COMMD5: variants seen among roughly 807,000 people sequenced by gnomAD.
COMMD5 encodes the protein COMM domain-containing protein 5.
In COMMD5, 10 loss-of-function variants were observed where a neutral mutation model predicts 6.9. That is an observed-to-expected ratio of 1.44 (90% CI 0.89 to 2.45). The LOEUF is 2.45. COMMD5 is among the 30% of genes most tolerant of loss of function. COMMD5 has a pLI of 0.00. For synonymous variants in COMMD5, 127 were observed against 125.3 expected (o/e 1.01, Z -0.09); for missense variants, 234 against 287.8 (o/e 0.81, Z 1.35).
chr8:144,839,759 A>T (rs1829614581), downstream of COMMD5, among the ~76,000 whole-genome samples: 1 of 152,190 alleles, frequency 6.6e-6, no homozygotes, highest in African/African-American at 2.4e-5. Context: ...ACTTGTCCCC[A>T]GCTGGTACAG....
chr8:144,848,633 C>T (rs1210211314), downstream of COMMD5, among the ~76,000 whole-genome samples: 4 of 152,170 alleles, frequency 2.6e-5, no homozygotes, highest in Non-Finnish European at 5.9e-5. Context: ...ACTCTCTGGC[C>T]CTTTGTGGGA....
intron 1 of COMMD5, among the ~76,000 whole-genome samples, chr8:144,845,086 G>A (rs901530544): frequency 2.6e-5 from 4 of 152,300 alleles, no homozygotes; most frequent in Non-Finnish European, 4.4e-5. Flanking sequence ...AGGCCACACA[G>A]GTCTGGATGT....
intron 1 of COMMD5, chr8:144,841,961 A>G (rs1563842175): frequency 1.2e-6 from 2 of 1,614,198 alleles, no homozygotes; most frequent in East Asian, 2.2e-5. Context: ...GAGTGTGGAA[A>G]AGCCTTCCGC....
chr8:144,846,641 A>C (rs1830524301), downstream of COMMD5: 1 of 157,902 alleles, frequency 6.3e-6, no homozygotes, highest in African/African-American at 2.4e-5. Context: ...AGTTCAATAG[A>C]AGTAAACCTA....
chr8:144,841,948 A>G, intron 1 of COMMD5: 1 of 1,614,108 alleles, frequency 6.2e-7, no homozygotes, highest in Non-Finnish European at 8.5e-7. Flanking sequence ...CTTTAAATGC[A>G]CTGAGTGTGG....
downstream of COMMD5, chr8:144,838,034 G>T (rs557346953): frequency 2.9e-5 from 20 of 697,742 alleles, no homozygotes; most frequent in African/African-American, 3.1e-4. Context: ...TCTGAAACCG[G>T]GGGGTCAGCA....
chr8:144,842,884 A>G (rs1420178997), intron 1 of COMMD5: 2 of 1,614,096 alleles, frequency 1.2e-6, no homozygotes, highest in Non-Finnish European at 1.7e-6. Context: ...CTTCAGCCGG[A>G]GCTCATATCT....
Position 144,842,412 on chromosome 8 carries a change from C to T in COMMD5, c.*117-669G>A, listed in dbSNP as rs140218924. Reference sequence around the variant, plus strand: ...GCCTGAGTCAGCATCAGCTGATTCACACTGGAGAGAAGCCTTATAAATGCA... The same window carrying T: ...GCCTGAGTCAGCATCAGCTGATTCATACTGGAGAGAAGCCTTATAAATGCA... On this transcript the variant is annotated intron_variant and NMD_transcript_variant, in intron 1 of 1. Transcript: ENST00000530332. 16 of 1,614,104 alleles carry T rather than the reference C, an allele frequency of 9.9e-6. No individual in the cohort carries two copies. The South Asian group carries it at 1.6e-4, about 17-fold the overall frequency.
chr8:144,839,932 G>A (rs1010511011), downstream of COMMD5, among the ~76,000 whole-genome samples: 7 of 152,122 alleles, frequency 4.6e-5, no homozygotes, highest in Non-Finnish European at 8.8e-5. Flanking sequence ...TCTCTCTGCC[G>A]CTGCTCTTTA....
chr8:144,841,116 C>G, exon 2 of COMMD5: 2 of 505,258 alleles, frequency 4.0e-6, no homozygotes, highest in Non-Finnish European at 7.0e-6. Context: ...CTCACAGAAC[C>G]CAGCCCTGCC....
At chr8:144,838,142 T>C (rs1194669587), downstream of COMMD5, 1 of 702,998 alleles carries the variant, frequency 1.4e-6, no homozygotes, top group African/African-American at 1.7e-5. Flanking sequence ...GTTCCTTGGC[T>C]TGTGGATGCG....
chr8:144,848,981 T>G (rs1383445822), downstream of COMMD5, among the ~76,000 whole-genome samples: 2 of 152,170 alleles, frequency 1.3e-5, no homozygotes. Flanking sequence ...ACAGATGAAT[T>G]GAGGCAAACA....
downstream of COMMD5, chr8:144,840,938 C>G (rs1829813716): frequency 5.9e-6 from 1 of 168,678 alleles, no homozygotes; most frequent in South Asian, 1.6e-4. Context: ...TCCATGCTCT[C>G]CATTCAGAAC....
downstream of COMMD5, among the ~76,000 whole-genome samples, chr8:144,849,761 C>T (rs989907714): frequency 2.0e-5 from 3 of 151,384 alleles, no homozygotes; most frequent in Non-Finnish European, 4.4e-5. Flanking sequence ...ACCCTGGTGA[C>T]AGCCTCTCTG....
intron 1 of COMMD5, chr8:144,842,165 A>G: frequency 6.2e-7 from 1 of 1,614,194 alleles, no homozygotes; most frequent in Non-Finnish European, 8.5e-7. Context: ...GTTAGACACC[A>G]GAGAACTCAC....
chr8:144,840,395 C>T (rs887564934), downstream of COMMD5, among the ~76,000 whole-genome samples: 6 of 152,206 alleles, frequency 3.9e-5, no homozygotes, highest in African/African-American at 1.4e-4. Context: ...GCTTGAAGCC[C>T]TGTAACTGGG....
At position 144,850,889 on chromosome 8, in the gene COMMD5, C is replaced by A. The variant is rs140272862; in HGVS notation, c.450G>T (p.Pro150=). The A allele has an allele frequency of 1.2e-6, 2 of 1,611,096 alleles. No homozygotes were observed. The highest frequency in any genetic ancestry group is 1.7e-6 in the Non-Finnish European group (2 of 1,179,002). The change falls in exon 2 of 2, where the codon CCG becomes CCT. Residue 150 remains proline, a synonymous_variant. Transcript: ENST00000305103. This position sits in a 1 kb window ranked among gnomAD's most constrained non-coding sequence, Gnocchi z 4.0. ...SVAQQQGAWL[P]HVADFRWRVD... ...CCCGCCACCGAAAGTCAGCAACATG[C>A]GGCAGCCAGGCCCCCTGCTGCTGGG...
Position 144,851,343 on chromosome 8 carries a change from G to C in COMMD5, c.-5C>G. ...TGCAGCCCCCACAGCAGACATTGCT[G>C]CTGCTTCCTCTTTGATCAGCCAGCC... is the stretch of plus-strand genomic sequence containing the variant. On this transcript the variant is annotated 5_prime_UTR_variant, in exon 2 of 2. Transcript: ENST00000305103. 6.3e-7 allele frequency: 1 copy of C among 1,598,308 alleles called. No homozygotes were observed. The highest frequency in any genetic ancestry group is 8.6e-7 in the Non-Finnish European group (1 of 1,169,198).
At chr8:144,851,961 G>T (rs1308051242) in intron 1 of COMMD5, among the ~76,000 whole-genome samples, 2 of 152,014 alleles carry the variant, frequency 1.3e-5, no homozygotes, top group African/African-American at 4.8e-5. Context: ...ATCATAGCAA[G>T]ACCCCGTTTC....
Sources: allele counts gnomAD v4.1 joint callset (sites outside exome capture counted in the v4.1 genomes callset), GRCh38; gene constraint gnomAD v4.1.1; non-coding constraint Gnocchi (gnomAD v3.1); transcripts MANE v1.5; gene names NCBI Gene and HGNC (gene_info 2026-07-23, HGNC 2026-07-21).